Variants in SIN3A observed in about 807,000 individuals in gnomAD.
The protein encoded by SIN3A is SIN3 transcription regulator family member A.
Under a neutral mutation model 146.1 loss-of-function variants are expected in SIN3A, and 14 were observed. The observed-to-expected ratio is 0.10, with a 90% CI of 0.06 to 0.15. The LOEUF is 0.15. SIN3A is among the 10% of genes least tolerant of loss of function. SIN3A has a pLI of 1.00. For synonymous variants in SIN3A, 572 were observed against 572.0 expected, an observed-to-expected ratio of 1.00 and a Z score of 0.00; for missense variants, 1,028 against 1,576.0, an observed-to-expected ratio of 0.65 and a Z score of 5.89.
chr15:75,371,801 C>G lies in SIN3A; in HGVS notation c.*178G>C, dbSNP rs1334213209. ...TCAGCTTTGTAAGGTATTCATGTTC[C>G]TAACAGGTAGCCCACTTGGTGCCAG... On this transcript the variant is annotated 3_prime_UTR_variant, in exon 21 of 21. Transcript: ENST00000394947. 1 of 606,530 alleles carries G rather than the reference C, an allele frequency of 1.6e-6. No homozygotes were observed. The highest frequency in any genetic ancestry group is 2.9e-6 in the Non-Finnish European group (1 of 340,020). 37.6% of individuals were successfully genotyped at this position (606,530 alleles called of 1,614,324 possible). A position where few individuals can be genotyped will look rare whatever the true frequency, so the allele number is the denominator to read the frequency against.
At chr15:75,429,326 C>T (rs1007849001) in intron 2 of SIN3A, among the ~76,000 whole-genome samples, 4 of 152,030 alleles carry the variant, frequency 2.6e-5, no homozygotes, top group African/African-American at 9.7e-5. Flanking sequence ...GAGGCTAGGG[C>T]ACGGGAGGAC....
chr15:75,405,868 C>T (rs1451932557), intron 9 of SIN3A, among the ~76,000 whole-genome samples: 1 of 152,168 alleles, frequency 6.6e-6, no homozygotes, highest in Non-Finnish European at 1.5e-5. Flanking sequence ...CCCTTCCATA[C>T]CCTTTTCTTG....
chr15:75,381,157 C>A (rs915414931), intron 18 of SIN3A: 69 of 170,032 alleles, frequency 4.1e-4, no homozygotes, highest in Middle Eastern at 2.9e-3. Flanking sequence ...TCCCACACGA[C>A]CCCCCCCAAC....
intron 16 of SIN3A, among the ~76,000 whole-genome samples, chr15:75,385,971 GA>G (rs1254643658): frequency 6.6e-6 from 1 of 152,066 alleles, no homozygotes; most frequent in South Asian, 2.1e-4. Flanking sequence ...AGAAAAGGTG[GA>G]AAAAAACAGA....
At chr15:75,386,020 C>T (rs113268505) in intron 16 of SIN3A, among the ~76,000 whole-genome samples, 70 of 152,238 alleles carry the variant, frequency 4.6e-4, no homozygotes, top group African/African-American at 1.6e-3. Context: ...CAGATGCTTC[C>T]ACTTTCTACT....
At chr15:75,433,069 A>C (rs2074041269) in intron 1 of SIN3A, among the ~76,000 whole-genome samples, 2 of 152,146 alleles carry the variant, frequency 1.3e-5, no homozygotes, top group Non-Finnish European at 2.9e-5. Context: ...AAACTTTATA[A>C]ATAATAAGCC....
intron 19 of SIN3A, among the ~76,000 whole-genome samples, chr15:75,378,317 C>A (rs1309690592): frequency 1.3e-5 from 2 of 152,184 alleles, no homozygotes; most frequent in African/African-American, 4.8e-5. Context: ...GTAATCACAG[C>A]ACTTTGGGAG....
At chr15:75,384,169 A>G (rs1188319287) in intron 17 of SIN3A, 95 bp downstream of exon 17, 9 of 953,328 alleles carry the variant, frequency 9.4e-6, no homozygotes, top group East Asian at 7.8e-5. Flanking sequence ...GTAGAATCAC[A>G]GGTCAAAGTA....
intron 2 of SIN3A, among the ~76,000 whole-genome samples, chr15:75,425,723 A>G (rs979021799): frequency 2.0e-5 from 3 of 152,248 alleles, no homozygotes; most frequent in Admixed American, 2.0e-4. Context: ...TGATCACCAC[A>G]GAAGACAACA....
At chr15:75,393,766 G>A (rs2073252516) in intron 14 of SIN3A, among the ~76,000 whole-genome samples, 1 of 151,912 alleles carries the variant, frequency 6.6e-6, no homozygotes, top group Non-Finnish European at 1.5e-5. Flanking sequence ...GGGGTATGGA[G>A]GGTGACAAAG....
At chr15:75,392,867 A>C in intron 14 of SIN3A, 52 bp from the exon 15 acceptor site, 2 of 1,332,352 alleles carry the variant, frequency 1.5e-6, no homozygotes, top group Non-Finnish European at 2.1e-6. Flanking sequence ...CAGCGACAAC[A>C]TGTCTACAAG....
At chr15:75,428,203 G>A (rs2073959542) in intron 2 of SIN3A, among the ~76,000 whole-genome samples, 1 of 152,102 alleles carries the variant, frequency 6.6e-6, no homozygotes, top group Admixed American at 6.6e-5. Context: ...CCTTTCATAG[G>A]TACTTGACAA....
chr15:75,378,372 C>G (rs899062142), intron 19 of SIN3A, among the ~76,000 whole-genome samples: 4 of 152,128 alleles, frequency 2.6e-5, no homozygotes, highest in Non-Finnish European at 5.9e-5. Context: ...CAAGACCAGC[C>G]AGACCAACAT....
At chr15:75,450,695 T>C (rs556152962) in intron 1 of SIN3A, among the ~76,000 whole-genome samples, 2 of 152,188 alleles carry the variant, frequency 1.3e-5, no homozygotes, top group African/African-American at 4.8e-5. Flanking sequence ...GCAGAAGGCA[T>C]GACCCAGCCA....
At chr15:75,375,062 T>A (rs1338170293) in intron 20 of SIN3A, among the ~76,000 whole-genome samples, 1 of 151,860 alleles carries the variant, frequency 6.6e-6, no homozygotes. Flanking sequence ...ATACTGGGAG[T>A]AAATTCACCA....
intron 9 of SIN3A, among the ~76,000 whole-genome samples, chr15:75,405,212 T>G (rs762976051): frequency 1.4e-5 from 2 of 147,870 alleles, no homozygotes; most frequent in African/African-American, 2.5e-5. Context: ...ACTAAAAATA[T>G]AAACATTAGC....
Position 75,430,368 on chromosome 15 carries a change from C to T in SIN3A, c.8G>A (p.Arg3Gln), listed in dbSNP as rs907380531. 6.2e-7 allele frequency: 1 copy of T among 1,609,540 alleles called. No individual in the cohort carries two copies. Among genetic ancestry groups the T allele is most frequent in the Non-Finnish European group, 8.5e-7 (1 of 1,178,024 alleles). ...CGGTGACTCCTGGTCATCCAAACGCCGCTTCATTCTGTGCTCATGCTCAGG... is the reference window on the plus strand; with the variant it reads ...CGGTGACTCCTGGTCATCCAAACGCTGCTTCATTCTGTGCTCATGCTCAGG... MK[R>Q]RLDDQESPVY... Residue 3 changes from arginine (R) to glutamine (Q), a missense_variant, in exon 2 of 21, where the codon CGG becomes CAG. Around this residue, in one of 9 missense-constraint regions of SIN3A, gnomAD observed 152 missense variants for 231.5 expected, o/e 0.66. Coordinates refer to ENST00000394947, the MANE Select transcript of SIN3A (RefSeq NM_001145358.2).
chr15:75,382,367 G>A (rs558214984), intron 17 of SIN3A, among the ~76,000 whole-genome samples: 5 of 152,280 alleles, frequency 3.3e-5, no homozygotes, highest in East Asian at 3.9e-4. Context: ...AATAGATTTC[G>A]GGGTGGGGGC....
At chr15:75,436,601 T>C (rs2074112079) in intron 1 of SIN3A, among the ~76,000 whole-genome samples, 5 of 152,158 alleles carry the variant, frequency 3.3e-5, no homozygotes, top group Admixed American at 3.3e-4. Flanking sequence ...TGGACAGGCA[T>C]ATGTTAAACC....
Sources: allele counts gnomAD v4.1 joint callset (sites outside exome capture counted in the v4.1 genomes callset), GRCh38; gene constraint gnomAD v4.1.1; regional missense constraint gnomAD v4.1.1; transcripts MANE v1.5; gene names NCBI Gene and HGNC (gene_info 2026-07-23, HGNC 2026-07-21).